PDS5B: variants seen among roughly 807,000 people sequenced by gnomAD.
PDS5B encodes the protein PDS5 cohesin associated factor B.
PDS5B carries 51 observed loss-of-function variants against 184.1 expected under a neutral mutation model. The observed-to-expected ratio is 0.28, with a 90% CI of 0.22 to 0.35. The LOEUF (loss-of-function observed/expected upper bound fraction) is 0.35. Ranked by LOEUF, PDS5B falls within the 10% of genes least tolerant of loss-of-function variation. The pLI is 1.00. For missense variants in PDS5B, 1,180 were observed against 1,723.3 expected (o/e 0.68, Z 5.58); for synonymous variants, 566 against 569.2 (o/e 0.99, Z 0.08).
intron 1 of PDS5B, among the ~76,000 whole-genome samples, chr13:32,640,510 G>C (rs1228767009): frequency 2.0e-5 from 3 of 152,074 alleles, no homozygotes; most frequent in Admixed American, 2.0e-4. Flanking sequence ...GGCTCCCAAA[G>C]TGCTGAGATT....
intron 3 of PDS5B, chr13:32,652,560 A>G (rs1258135197): frequency 1.4e-5 from 2 of 143,144 alleles, no homozygotes; most frequent in African/African-American, 5.4e-5. Flanking sequence ...CAACATAGCA[A>G]GGCGTTGTCT....
rs899173117 is a variant in PDS5B at position 32,718,276 on chromosome 13, G to A, written c.2123+8170G>A. 7.3e-5 allele frequency among the ~76,000 whole-genome samples: 11 copies of A among 151,674 alleles called. 1 individual carries two copies. Among genetic ancestry groups the A allele is most frequent in the African/African-American group, 9.7e-5 (4 of 41,328 alleles). On this transcript the variant is annotated intron_variant, in intron 19 of 34. Coordinates refer to ENST00000315596, the MANE Select transcript of PDS5B (RefSeq NM_015032.4). ...CACCATTCTCCTGCCTCAGCCTCCC[G>A]AGTAGCTGGGACTACAGGCGCCCGC... is the stretch of plus-strand genomic sequence containing the variant.
chr13:32,638,961 G>A (rs2058611814), intron 1 of PDS5B, among the ~76,000 whole-genome samples: 5 of 152,000 alleles, frequency 3.3e-5, no homozygotes, highest in Admixed American at 3.3e-4. Flanking sequence ...CTACATGGGG[G>A]CGTGGGGCGG....
chr13:32,590,601 T>C (rs1288043778), intron 1 of PDS5B, among the ~76,000 whole-genome samples: 6 of 152,204 alleles, frequency 3.9e-5, no homozygotes, highest in Non-Finnish European at 8.8e-5. Context: ...ACCATTGTCT[T>C]TCTCTAGAAG....
Position 32,629,770 on chromosome 13 carries a change from A to C in PDS5B, c.-19-18984A>C, listed in dbSNP as rs570480989. Among the ~76,000 whole-genome samples the C allele has an allele frequency of 2.0e-5, 3 of 152,346 alleles. No homozygotes were observed. The East Asian group carries it at 5.8e-4, about 29-fold the overall frequency. On this transcript the variant is annotated intron_variant, in intron 1 of 34. Transcript: ENST00000315596. ...TTTCCAGCCATATAACCATGTAAGC[A>C]GGTATGATGTAGTTCTAATTCTGCC...
At chr13:32,674,497 T>TTA (rs1434464250) in intron 8 of PDS5B, among the ~76,000 whole-genome samples, 1 of 152,132 alleles carries the variant, frequency 6.6e-6, no homozygotes, top group Admixed American at 6.5e-5. Context: ...ACACCTCTAA[T>TTA]TATTTGTTGG....
intron 30 of PDS5B, among the ~76,000 whole-genome samples, chr13:32,763,175 G>A (rs1451405071): frequency 6.6e-6 from 1 of 152,108 alleles, no homozygotes; most frequent in Non-Finnish European, 1.5e-5. Flanking sequence ...AGGAAGTTGA[G>A]AGGTAGTCTG....
chr13:32,735,557 A>AG (rs1953302258), intron 21 of PDS5B, among the ~76,000 whole-genome samples: 1 of 152,202 alleles, frequency 6.6e-6, no homozygotes, highest in Admixed American at 6.5e-5. Flanking sequence ...TCCTTGATAA[A>AG]TATAAAATAT....
In PDS5B at chr13:32,620,531, G is replaced by T. The variant is rs139537323; in HGVS notation, c.-19-28223G>T. 4.1e-3 allele frequency among the ~76,000 whole-genome samples: 631 copies of T among 152,198 alleles called. 6 individuals are homozygous for T. The highest frequency in any genetic ancestry group is 0.014 in the African/African-American group (588 of 41,530). On this transcript the variant is annotated intron_variant, in intron 1 of 34. Transcript: ENST00000315596. Reference sequence around the variant, plus strand: ...TAGCTGGGTGTGGTGGCAGGTGCCTGTAGTCCCAGCAGCTACTTGGCAGGC... The same window carrying T: ...TAGCTGGGTGTGGTGGCAGGTGCCTTTAGTCCCAGCAGCTACTTGGCAGGC...
chr13:32,774,111 C>G (rs1954881766), intron 34 of PDS5B, among the ~76,000 whole-genome samples: 1 of 152,154 alleles, frequency 6.6e-6, no homozygotes, highest in South Asian at 2.1e-4. Context: ...CCCTTCTTGA[C>G]TTTTAAAGTA....
Position 32,735,024 on chromosome 13 carries a change from T to C in PDS5B, c.2248-148T>C, listed in dbSNP as rs1953277089. The C allele has an allele frequency of 1.7e-5, 8 of 484,048 alleles. No homozygotes were observed. In the South Asian group the frequency reaches 3.7e-4, roughly 22 times the overall value. The allele number at this position is 484,048 out of a possible 1,614,324, so 30.0% of individuals were successfully genotyped here. ...TAATCTTGAGTTACTACTTATACTA[T>C]GTATATTTATTGAAATTTTTGTAGT... On this transcript the variant is annotated intron_variant, in intron 20 of 34. Coordinates refer to ENST00000315596, the MANE Select transcript of PDS5B (RefSeq NM_015032.4).
intron 24 of PDS5B, among the ~76,000 whole-genome samples, chr13:32,747,164 T>C (rs1411016731): frequency 6.6e-6 from 1 of 152,194 alleles, no homozygotes; most frequent in Non-Finnish European, 1.5e-5. Flanking sequence ...TAGAAGTCTT[T>C]AGCATCATTG....
At chr13:32,671,800 G>A (rs1950945233) in intron 7 of PDS5B, among the ~76,000 whole-genome samples, 1 of 152,198 alleles carries the variant, frequency 6.6e-6, no homozygotes, top group Non-Finnish European at 1.5e-5. Flanking sequence ...AGCCAGTTGT[G>A]TGTTAACTGT....
At chr13:32,766,435 T>A (rs914299732) in intron 31 of PDS5B, among the ~76,000 whole-genome samples, 2 of 152,228 alleles carry the variant, frequency 1.3e-5, no homozygotes, top group African/African-American at 4.8e-5. Context: ...GGCCTTTTGC[T>A]ATTTGTTGTG....
chr13:32,724,769 CAG>C (rs1347173174), intron 19 of PDS5B, among the ~76,000 whole-genome samples: 2 of 152,104 alleles, frequency 1.3e-5, no homozygotes, highest in African/African-American at 4.8e-5. Context: ...TTTGTAGAGA[CAG>C]AGTTTCACCT....
At chr13:32,770,826 A>T (rs1954760349) in intron 33 of PDS5B, 65 bp downstream of exon 33, 1 of 1,159,548 alleles carries the variant, frequency 8.6e-7, no homozygotes, top group South Asian at 1.3e-5. Context: ...CTAAATTTGT[A>T]AACATACATA....
intron 7 of PDS5B, among the ~76,000 whole-genome samples, chr13:32,671,886 TGAG>T (rs1251467751): frequency 6.6e-6 from 1 of 152,188 alleles, no homozygotes; most frequent in Admixed American, 6.5e-5. Context: ...AGGAAACCAT[TGAG>T]GATACATGGC....
At chr13:32,671,896 T>C (rs1950947989) in intron 7 of PDS5B, among the ~76,000 whole-genome samples, 1 of 152,222 alleles carries the variant, frequency 6.6e-6, no homozygotes. Context: ...TGAGGATACA[T>C]GGCAGGGTAT....
At chr13:32,660,467 A>G (rs1950613698) in intron 6 of PDS5B, among the ~76,000 whole-genome samples, 1 of 77,466 alleles carries the variant, frequency 1.3e-5, no homozygotes, top group South Asian at 6.2e-4. Context: ...TGCCCTAGGG[A>G]GGAGGACTGA....
Sources: gnomAD v4.1 joint callset for allele counts (sites outside exome capture counted in the v4.1 genomes callset) on GRCh38, gnomAD v4.1.1 for gene constraint, MANE v1.5 for transcripts, NCBI Gene and HGNC (gene_info 2026-07-23, HGNC 2026-07-21) for gene names.